GSTCD: variants seen among roughly 807,000 people sequenced by gnomAD.
The protein encoded by GSTCD is glutathione S-transferase C-terminal domain containing.
Under a neutral mutation model 68.3 loss-of-function variants are expected in GSTCD, and 44 were observed. That is an observed-to-expected ratio of 0.64 (90% CI 0.51 to 0.83). The LOEUF is 0.83. GSTCD is among the 40% of genes least tolerant of loss of function. The probability of loss-of-function intolerance (pLI) is 0.00; values close to 1 mark genes in which losing one functional copy is unlikely to be tolerated. For missense variants in GSTCD, 739 were observed against 735.9 expected (o/e 1.00, Z -0.05); for synonymous variants, 273 against 255.2 (o/e 1.07, Z -0.67).
In GSTCD at chr4:105,719,485, T is replaced by C; in HGVS notation, c.852T>C (p.Thr284=). 6.2e-7 allele frequency: 1 copy of C among 1,614,090 alleles called. No individual in the cohort carries two copies. ...EHVFAEGLYF[T]LADIVLLPCI... is the part of the protein sequence containing the mutation. ...TGTTTGCAGAAGGGCTTTACTTCAC[T>C]CTGGCAGATATTGTGCTCTTGCCCT... The change falls in exon 3 of 12, where the codon ACT becomes ACC. Residue 284 remains threonine, a synonymous_variant. Transcript: ENST00000515279.
At chr4:105,711,228 A>T (rs1732525489) in intron 1 of GSTCD, among the ~76,000 whole-genome samples, 1 of 152,046 alleles carries the variant, frequency 6.6e-6, no homozygotes, top group Non-Finnish European at 1.5e-5. Context: ...GAGAGAATTT[A>T]GGCAGGTTTA....
At chr4:105,729,996 T>C (rs1733174550) in intron 5 of GSTCD, among the ~76,000 whole-genome samples, 2 of 152,140 alleles carry the variant, frequency 1.3e-5, no homozygotes, top group Admixed American at 1.3e-4. Context: ...ATGCGGTGTT[T>C]GCTTTTTCTC....
At chr4:105,750,109 G>T (rs986777652) in intron 5 of GSTCD, among the ~76,000 whole-genome samples, 5 of 152,198 alleles carry the variant, frequency 3.3e-5, no homozygotes, top group African/African-American at 4.8e-5. Context: ...TCAGGGAAAT[G>T]TAAATTTAAA....
chr4:105,776,456 G>A (rs1303849145), intron 5 of GSTCD, among the ~76,000 whole-genome samples: 1 of 152,180 alleles, frequency 6.6e-6, no homozygotes, highest in Non-Finnish European at 1.5e-5. Context: ...GAAACCCAGG[G>A]CCCTGGTGGT....
At chr4:105,826,253 G>GAGAAAA (rs1723600186) in intron 8 of GSTCD, 3 of 151,986 alleles carry the variant, frequency 2.0e-5, no homozygotes, top group Non-Finnish European at 4.4e-5. Context: ...GTATTTTCAG[G>GAGAAAA]TTCCAAGAGA....
chr4:105,794,713 T>C (rs924024854), intron 5 of GSTCD, among the ~76,000 whole-genome samples: 1 of 151,950 alleles, frequency 6.6e-6, no homozygotes, highest in Non-Finnish European at 1.5e-5. Flanking sequence ...CAAGAAAGTA[T>C]ATTCATATAT....
intron 5 of GSTCD, among the ~76,000 whole-genome samples, chr4:105,786,908 G>A (rs1169032561): frequency 3.3e-5 from 5 of 151,982 alleles, no homozygotes; most frequent in Non-Finnish European, 2.9e-5. Flanking sequence ...GTAAAATGTT[G>A]CAGCCACTTT....
intron 5 of GSTCD, among the ~76,000 whole-genome samples, chr4:105,763,127 A>C (rs938396529): frequency 6.6e-6 from 1 of 152,320 alleles, no homozygotes; most frequent in Admixed American, 6.5e-5. Flanking sequence ...GAAATTTCAC[A>C]TAAGTAGATC....
At chr4:105,775,424 G>A (rs1735017393) in intron 5 of GSTCD, among the ~76,000 whole-genome samples, 1 of 152,178 alleles carries the variant, frequency 6.6e-6, no homozygotes, top group Admixed American at 6.5e-5. Flanking sequence ...GGGAGAAAAG[G>A]CATTCTGGAT....
rs137950159 is a variant in GSTCD, at chr4:105,829,438, A to G, written c.1530+3638A>G. ...AGACATACCCAAGACTGGGTAATTT[A>G]TAAAGAAAAGAGGTTTAATTGATTC... On this transcript the variant is annotated intron_variant, in intron 8 of 11. Transcript: ENST00000515279. 1.3e-3 allele frequency among the ~76,000 whole-genome samples: 205 copies of G among 152,308 alleles called. 1 individual carries two copies. The highest frequency in any genetic ancestry group is 4.8e-3 in the African/African-American group (201 of 41,578).
chr4:105,753,511 T>G (rs2193853), intron 5 of GSTCD, among the ~76,000 whole-genome samples: 1 of 151,918 alleles, frequency 6.6e-6, no homozygotes, highest in Non-Finnish European at 1.5e-5. Context: ...TACAGACTTT[T>G]TTCTTGTCAT....
At chr4:105,743,235 C>A (rs1373808615) in intron 5 of GSTCD, among the ~76,000 whole-genome samples, 1 of 152,034 alleles carries the variant, frequency 6.6e-6, no homozygotes, top group Non-Finnish European at 1.5e-5. Context: ...CAGGCATGAC[C>A]CACCGCACCC....
At position 105,847,475 on chromosome 4, in the gene GSTCD, T is replaced by A. The variant is rs1724596934; in HGVS notation, c.*1898T>A. The A allele has an allele frequency of 6.6e-6, 1 of 152,164 alleles. No homozygotes were observed. Among genetic ancestry groups the A allele is most frequent in the African/African-American group, 2.4e-5 (1 of 41,446 alleles). The allele number at this position is 152,164 out of a possible 1,614,324, so 9.4% of individuals were successfully genotyped here. A position where few individuals can be genotyped will look rare whatever the true frequency, so the allele number is the denominator to read the frequency against. On this transcript the variant is annotated 3_prime_UTR_variant, in exon 12 of 12. Coordinates refer to ENST00000515279, the MANE Select transcript of GSTCD (RefSeq NM_001370181.1). The stretch of plus-strand genomic sequence containing the variant: ...AATTTATATACAATACAATAACAGA[T>A]TTTTAAGTATTCATTTGAGATGTTT...
At chr4:105,819,926 CAAAT>C in intron 5 of GSTCD, among the ~76,000 whole-genome samples, 1 of 150,928 alleles carries the variant, frequency 6.6e-6, no homozygotes, top group South Asian at 2.1e-4. Context: ...ATATCTCAAA[CAAAT>C]GTTTTGAAAA....
chr4:105,739,396 T>A (rs1733560727), intron 5 of GSTCD, among the ~76,000 whole-genome samples: 1 of 152,232 alleles, frequency 6.6e-6, no homozygotes, highest in Non-Finnish European at 1.5e-5. Flanking sequence ...AAGAATTCCC[T>A]CCTCTTCAAT....
chr4:105,780,240 A>G (rs989883501), intron 5 of GSTCD, among the ~76,000 whole-genome samples: 3 of 152,190 alleles, frequency 2.0e-5, no homozygotes, highest in African/African-American at 7.2e-5. Context: ...TAGATGATGA[A>G]GTGTGAAATT....
intron 5 of GSTCD, among the ~76,000 whole-genome samples, chr4:105,810,725 T>C (rs1025831783): frequency 6.6e-6 from 1 of 152,176 alleles, no homozygotes; most frequent in African/African-American, 2.4e-5. Flanking sequence ...ATTTGAACTT[T>C]TAAACATCAT....
chr4:105,804,643 T>C (rs891545055), intron 5 of GSTCD, among the ~76,000 whole-genome samples: 1 of 152,100 alleles, frequency 6.6e-6, no homozygotes, highest in African/African-American at 2.4e-5. Flanking sequence ...CTTTTTTTCT[T>C]CAACCTTTAT....
chr4:105,755,966 A>G (rs1734173183), intron 5 of GSTCD, among the ~76,000 whole-genome samples: 2 of 150,180 alleles, frequency 1.3e-5, no homozygotes, highest in Admixed American at 1.3e-4. Context: ...ACCACTGGCC[A>G]TGGTTCCCAT....
Sources: allele counts gnomAD v4.1 joint callset (sites outside exome capture counted in the v4.1 genomes callset), GRCh38; gene constraint gnomAD v4.1.1; transcripts MANE v1.5; gene names NCBI Gene and HGNC (gene_info 2026-07-23, HGNC 2026-07-21).